The following C20orf96 variants were observed in gnomAD, a reference collection of about 807,000 sequenced individuals.
The protein encoded by C20orf96 is uncharacterized protein C20orf96.
C20orf96 carries 57 observed loss-of-function variants against 52.6 expected under a neutral mutation model. The observed-to-expected ratio is 1.08, with a 90% CI of 0.88 to 1.35. The LOEUF is 1.35. C20orf96 is among the 40% of genes most tolerant of loss of function. C20orf96 has a pLI of 0.00. For synonymous variants in C20orf96, 168 were observed against 157.2 expected, an observed-to-expected ratio of 1.07 and a Z score of -0.51; for missense variants, 478 against 443.6, an observed-to-expected ratio of 1.08 and a Z score of -0.70.
intron 5 of C20orf96, 70 bp downstream of exon 5, chr20:279,102 C>CGGAGGGAGGGACGGAG (rs1555770641): frequency 1.5e-5 from 9 of 609,598 alleles, no homozygotes; most frequent in Non-Finnish European, 1.8e-5. Context: ...GACGGAGGGA[C>CGGAGGGAGGGACGGAG]GGAGGGAGGG....
chr20:283,398 G>T (rs2012300790), intron 4 of C20orf96, among the ~76,000 whole-genome samples: 1 of 151,968 alleles, frequency 6.6e-6, no homozygotes, highest in Non-Finnish European at 1.5e-5. Context: ...CTGCCTCCCA[G>T]GTTCAAGCCG....
At chr20:279,126 GGTTGGGAC>G (rs1215831807) in intron 5 of C20orf96, 38 bp downstream of exon 5, 3 of 1,121,050 alleles carry the variant, frequency 2.7e-6, no homozygotes, top group African/African-American at 6.4e-5. Flanking sequence ...GAGGGACGGA[GGTTGGGAC>G]GGAGGGACGG....
In C20orf96 at chr20:276,899, C is replaced by A; in HGVS notation, c.826-20G>T. ...GGTTTCCTGTGGAGGAAGAAGAGGT[C>A]TGGCCCCCAGGTGCCTCTTCCTGGG... is the stretch of plus-strand genomic sequence containing the variant. On this transcript the variant is annotated intron_variant, in intron 8 of 10. Transcript: ENST00000360321. 6.2e-7 allele frequency: 1 copy of A among 1,613,828 alleles called. No individual in the cohort carries two copies. The highest frequency in any genetic ancestry group is 8.5e-7 in the Non-Finnish European group (1 of 1,179,818).
chr20:274,806 C>CT (rs998260104), intron 10 of C20orf96, among the ~76,000 whole-genome samples: 44 of 145,550 alleles, frequency 3.0e-4, no homozygotes, highest in South Asian at 1.3e-3. Context: ...TTTCTTTTTT[C>CT]TTTTTTTTTT....
At chr20:284,202 C>T in intron 3 of C20orf96, 121 bp from the exon 4 acceptor site, 2 of 710,350 alleles carry the variant, frequency 2.8e-6, no homozygotes, top group East Asian at 5.1e-5. Flanking sequence ...CTCTGACTGC[C>T]TTATAATGTG....
chr20:276,503 G>A (rs1024661397), intron 9 of C20orf96: 3 of 985,304 alleles, frequency 3.0e-6, no homozygotes, highest in African/African-American at 3.5e-5. Context: ...AGAATCAAGG[G>A]GTAAAGATGC....
chr20:274,438 G>A lies in C20orf96; in HGVS notation c.1031+1530C>T, dbSNP rs112600391. 7.7e-3 allele frequency among the ~76,000 whole-genome samples: 1,173 copies of A among 152,214 alleles called. 9 individuals are homozygous for A. The highest frequency in any genetic ancestry group is 0.025 in the East Asian group (127 of 5,176). On this transcript the variant is annotated intron_variant, in intron 10 of 10. Transcript: ENST00000360321. Reference sequence around the variant, plus strand: ...TCTCTGCCCCAAGGCCTGGCTCCACGTGGGTCCAGCTCCACCATGATCGGG... The same window carrying A: ...TCTCTGCCCCAAGGCCTGGCTCCACATGGGTCCAGCTCCACCATGATCGGG...
At chr20:273,894 AAAGG>A (rs1278514769) in intron 10 of C20orf96, among the ~76,000 whole-genome samples, 1,703 of 72,380 alleles carry the variant, frequency 0.024, 50 homozygotes, top group African/African-American at 0.034. Flanking sequence ...AGGAAGGAAG[AAAGG>A]AAGGAAGGGA....
In C20orf96 at chr20:277,082, G is replaced by T. The variant is rs373753442; in HGVS notation, c.787C>A (p.Gln263Lys). The stretch of plus-strand genomic sequence containing the variant: ...CTCAGAATTTTTTTCTTCTTCTTCT[G>T]AATCTTGTCAGACAAGGATTCCAGG... ...KVLESLSDKIQKKKKKILSSV... is the reference protein window; with the variant it reads ...KVLESLSDKIKKKKKKILSSV... Residue 263 changes from glutamine to lysine, a missense_variant, in exon 8 of 11, where the codon CAG becomes AAG. Gln to Lys is a moderately conservative substitution (Grantham distance 53). Transcript: ENST00000360321. 1 of 1,613,896 alleles carries T rather than the reference G, an allele frequency of 6.2e-7. No homozygotes were observed. Among genetic ancestry groups the T allele is most frequent in the East Asian group, 2.2e-5 (1 of 44,858 alleles).
rs778816117 is a variant in C20orf96, at chr20:279,268, G to A, written c.369C>T (p.Ser123=). Reference sequence around the variant, plus strand: ...TCTCGATCAGCTCCCGGTTGAGCTTGCTGAGGAAGTTCTCACGGCTTCGGA... The same window carrying A: ...TCTCGATCAGCTCCCGGTTGAGCTTACTGAGGAAGTTCTCACGGCTTCGGA... The part of the protein sequence containing the change: ...RELRSRENFL[S]KLNRELIETI... Residue 123 remains serine, a synonymous_variant, in exon 5 of 11, where the codon AGC becomes AGT. Transcript: ENST00000360321. 8 of 1,610,868 alleles carry A rather than the reference G, an allele frequency of 5.0e-6. No homozygotes were observed. The Admixed American group carries it at 1.0e-4, about 20-fold the overall frequency.
chr20:289,438 T>A, intron 3 of C20orf96, 121 bp downstream of exon 3: 1 of 696,566 alleles, frequency 1.4e-6, no homozygotes, highest in East Asian at 2.5e-5. Context: ...TACTTGCAAT[T>A]TGGGCATTGT....
chr20:284,216 C>G, intron 3 of C20orf96, 135 bp from the exon 4 acceptor site: 1 of 655,678 alleles, frequency 1.5e-6, no homozygotes, highest in Non-Finnish European at 2.7e-6. Flanking sequence ...TAATGTGACA[C>G]TAGACCGAGG....
At chr20:288,186 T>TTTTTTTA (rs1568494415) in intron 3 of C20orf96, among the ~76,000 whole-genome samples, 33 of 70,322 alleles carry the variant, frequency 4.7e-4, no homozygotes, top group Admixed American at 3.7e-3. Flanking sequence ...TTTTTTTTTT[T>TTTTTTTA]TTTTTTTTTT....
chr20:278,466 T>C (rs1284187631), intron 5 of C20orf96, 37 bp from the exon 6 acceptor site: 2 of 1,557,818 alleles, frequency 1.3e-6, no homozygotes, highest in Non-Finnish European at 1.8e-6. Flanking sequence ...CCACAGGCTC[T>C]GCTGGCTCTC....
Position 287,908 on chromosome 20 carries a change from C to CAAAAAAAAAAAAAA in C20orf96, c.187+1637_187+1650dup, listed in dbSNP as rs71327437. On this transcript the variant is annotated intron_variant, in intron 3 of 10. Transcript: ENST00000360321. Reference sequence around the variant, plus strand: ...TGAGCAACAAAGCGAGACTCCTTCTCAAAAAAAAAAAAAAAAAAAAAAGTC... The same window carrying CAAAAAAAAAAAAAA: ...TGAGCAACAAAGCGAGACTCCTTCTCAAAAAAAAAAAAAAAAAAAAAAAAAAAAAAAAAAAAGTC... Among the ~76,000 whole-genome samples, 5 of 63,084 alleles carry CAAAAAAAAAAAAAA rather than the reference C, an allele frequency of 7.9e-5. 1 individual carries two copies. The highest frequency in any genetic ancestry group is 2.3e-4 in the African/African-American group (4 of 17,412). The allele number at this position is 63,084 out of a possible 152,430, so 41.4% of individuals were successfully genotyped here. A position where few individuals can be genotyped will look rare whatever the true frequency, so the allele number is the denominator to read the frequency against.
chr20:277,562 C>G (rs191760824), intron 6 of C20orf96, among the ~76,000 whole-genome samples, 179 bp from the exon 7 acceptor site: 1 of 152,066 alleles, frequency 6.6e-6, no homozygotes, highest in African/African-American at 2.4e-5. Flanking sequence ...GTTTTCCACC[C>G]CTGCAGGAGA....
At chr20:271,683 C>T (rs2011845441) in intron 10 of C20orf96, among the ~76,000 whole-genome samples, 1 of 152,170 alleles carries the variant, frequency 6.6e-6, no homozygotes, top group African/African-American at 2.4e-5. Context: ...CTCCCAGCCT[C>T]ACTCCTTCAG....
chr20:287,025 C>T lies in C20orf96; in HGVS notation c.187+2534G>A, dbSNP rs79405820. Among the ~76,000 whole-genome samples the T allele has an allele frequency of 1.3e-3, 193 of 152,272 alleles. 1 individual carries two copies. The East Asian group carries it at 0.023, about 18-fold the overall frequency. On this transcript the variant is annotated intron_variant, in intron 3 of 10. Coordinates refer to ENST00000360321, the MANE Select transcript of C20orf96 (RefSeq NM_153269.3). The stretch of plus-strand genomic sequence containing the variant: ...CTGTTTATCGCTGTATAGTTTTCCA[C>T]GGTGGGGATACACCATAGGTTGTTT...
chr20:271,526 A>T (rs375757483), intron 10 of C20orf96, among the ~76,000 whole-genome samples: 184 of 152,204 alleles, frequency 1.2e-3, no homozygotes, highest in African/African-American at 4.2e-3. Flanking sequence ...GGCAGGACAA[A>T]TGTTCCCCTG....
Sources: allele counts gnomAD v4.1 joint callset (sites outside exome capture counted in the v4.1 genomes callset), GRCh38; gene constraint gnomAD v4.1.1; transcripts MANE v1.5; gene names NCBI Gene and HGNC (gene_info 2026-07-23, HGNC 2026-07-21).